The following UBXN11 variants were observed in gnomAD, a reference collection of about 807,000 sequenced individuals.
UBXN11 encodes the protein UBX domain-containing protein 11.
A neutral mutation model predicts 62.8 loss-of-function variants in UBXN11; 47 were observed. The ratio of observed to expected loss-of-function variants is 0.75; its 90% CI spans 0.59 to 0.95. The LOEUF is 0.95. Among genes scored for constraint, UBXN11 ranks in the 40% least tolerant of loss-of-function variants. The pLI is 0.00. For missense variants in UBXN11, 638 were observed against 661.7 expected (o/e 0.96, Z 0.39); for synonymous variants, 294 against 267.0 (o/e 1.10, Z -0.99).
intron 1 of UBXN11, chr1:26,318,003 G>A (rs761844210): frequency 9.9e-6 from 16 of 1,613,690 alleles, no homozygotes; most frequent in Admixed American, 6.7e-5. Flanking sequence ...AGACAGCCAC[G>A]AAGATCCTAC....
rs2073008790 is a variant in UBXN11 at position 26,282,356 on chromosome 1, ACTGGGG to A, written c.1500_1505del (p.Ser502_Pro503del). On this transcript the variant is annotated inframe_deletion, in exon 15 of 15. Transcript: ENST00000374222. ...GACTGGGGCCGGGACCGGGACCGGG[ACTGGGG>A]CCGGGACCGGGACCGGGACTGGGGC... 8.3e-6 allele frequency: 3 copies of A among 360,370 alleles called. No individual in the cohort carries two copies. The highest frequency in any genetic ancestry group is 8.5e-6 in the Non-Finnish European group (2 of 234,080). The allele number at this position is 360,370 out of a possible 1,614,324, so 22.3% of individuals were successfully genotyped here.
At position 26,298,081 on chromosome 1, in the gene UBXN11, C is replaced by A; in HGVS notation, c.200-19G>T. ...GCAGGGACTGCCAAGCACACAAAGT[C>A]TTTAGAGCCCAGACCTAGAGCCGAG... is the stretch of plus-strand genomic sequence containing the variant. On this transcript the variant is annotated intron_variant, in intron 4 of 14. Coordinates refer to ENST00000374222, the MANE Select transcript of UBXN11 (RefSeq NM_001389556.1). The A allele has an allele frequency of 6.2e-7, 1 of 1,609,082 alleles. No homozygotes were observed.
At chr1:26,292,726 C>T (rs2073299985) in intron 8 of UBXN11, among the ~76,000 whole-genome samples, 1 of 151,490 alleles carries the variant, frequency 6.6e-6, no homozygotes, top group South Asian at 2.1e-4. Context: ...TGGTGGTGGG[C>T]GCCTGTAATC....
chr1:26,309,806 G>A (rs1377940114), upstream of UBXN11, among the ~76,000 whole-genome samples: 2 of 151,930 alleles, frequency 1.3e-5, no homozygotes, highest in Non-Finnish European at 2.9e-5. Context: ...CTACCTCCTA[G>A]GATTATTGTA....
upstream of UBXN11, among the ~76,000 whole-genome samples, chr1:26,307,618 C>G (rs943512110): frequency 1.7e-5 from 2 of 116,726 alleles, no homozygotes; most frequent in African/African-American, 3.3e-5. Context: ...GAGTGTTTTT[C>G]TGTTGCTTTT....
At chr1:26,289,199 C>T (rs1210106760) in intron 8 of UBXN11, among the ~76,000 whole-genome samples, 5 of 152,202 alleles carry the variant, frequency 3.3e-5, no homozygotes, top group Non-Finnish European at 7.3e-5. Context: ...CCTCAGCTTC[C>T]TCTTCTGTAC....
Position 26,285,983 on chromosome 1 carries a change from T to C in UBXN11, c.614A>G (p.Gln205Arg). The change falls in exon 9 of 15, where the codon CAG becomes CGG. Residue 205 changes from glutamine to arginine, a missense_variant. Coordinates refer to ENST00000374222, the MANE Select transcript of UBXN11 (RefSeq NM_001389556.1). ...VDFDRLLASL[Q>R]DLSELVVEGD... ...CTCTACCACCAGCTCACTAAGATCC[T>C]GCAGGCTGGCCAGCAGCCTGTCAAA... The C allele has an allele frequency of 6.2e-7, 1 of 1,612,726 alleles. No homozygotes were observed. The highest frequency in any genetic ancestry group is 8.5e-7 in the Non-Finnish European group (1 of 1,179,132).
Position 26,302,800 on chromosome 1 carries a change from G to A in UBXN11, c.71+13C>T. The A allele has an allele frequency of 1.2e-6, 2 of 1,612,576 alleles. No homozygotes were observed. The highest frequency in any genetic ancestry group is 8.5e-7 in the Non-Finnish European group (1 of 1,179,128). On this transcript the variant is annotated intron_variant, in intron 2 of 14. Transcript: ENST00000374222. ...AGGCGGGGACAGAAAGACCCCTGAG[G>A]CTGGCTCCTTACCCAGGATTCATAG...
rs200760163 is a variant in UBXN11, at chr1:26,302,852, G to A, written c.32C>T (p.Thr11Ile). ...CTCCGAGGGCAGGGGCACTTTTCGG[G>A]TCTTGCTAAGGGAGGCCAAAGGTGA... MSSPLASLSK[T>I]RKVPLPSEPM... is the part of the protein sequence containing the mutation. Residue 11 changes from threonine (T) to isoleucine (I), a missense_variant, in exon 2 of 15, where the codon ACC (threonine) becomes ATC (isoleucine). Thr to Ile is a moderately conservative substitution (Grantham distance 89). Coordinates refer to ENST00000374222, the MANE Select transcript of UBXN11 (RefSeq NM_001389556.1). 9 of 1,613,854 alleles carry A rather than the reference G, an allele frequency of 5.6e-6. No individual in the cohort carries two copies. The highest frequency in any genetic ancestry group is 1.3e-5 in the African/African-American group (1 of 74,898).
At position 26,304,970 on chromosome 1, in the gene UBXN11, T is replaced by C. The variant is rs144167882; in HGVS notation, c.-36+1622A>G. ...CCCTTCCCTTGGCCAGCTAACTCTT[T>C]TTTTTCCCCTTCAGTTTGTTTTTCA... On this transcript the variant is annotated intron_variant, in intron 1 of 14. Coordinates refer to ENST00000374222, the MANE Select transcript of UBXN11 (RefSeq NM_001389556.1). 1.1e-3 allele frequency among the ~76,000 whole-genome samples: 166 copies of C among 152,044 alleles called. 1 individual carries two copies. Among genetic ancestry groups the C allele is most frequent in the African/African-American group, 3.9e-3 (161 of 41,472 alleles).
At chr1:26,298,516 A>G (rs1557687360) in intron 4 of UBXN11, among the ~76,000 whole-genome samples, 2 of 152,176 alleles carry the variant, frequency 1.3e-5, no homozygotes, top group Non-Finnish European at 2.9e-5. Context: ...AGGGCCGGGC[A>G]TGCGGTGGCT....
chr1:26,302,340 C>T (rs1014301910), intron 2 of UBXN11, among the ~76,000 whole-genome samples: 3 of 116,054 alleles, frequency 2.6e-5, no homozygotes, highest in African/African-American at 3.3e-5. Flanking sequence ...ACAGCCTGGG[C>T]GACAGAGCGA....
At position 26,294,260 on chromosome 1, in the gene UBXN11, T is replaced by G; in HGVS notation, c.504A>C (p.Thr168=). 6.2e-7 allele frequency: 1 copy of G among 1,614,240 alleles called. No homozygotes were observed. Among genetic ancestry groups the G allele is most frequent in the Non-Finnish European group, 8.5e-7 (1 of 1,180,010 alleles). The change falls in exon 8 of 15, where the codon ACA becomes ACC. Residue 168 remains threonine (T), a synonymous_variant. Transcript: ENST00000374222. ...PMDQEDSESK[T]VSEHGERDWM... Reference sequence around the variant, plus strand: ...AGTCCCTCTCGCCATGCTCTGAGACTGTCTTGCTCTCTGAGTCCTCCTGGT... The same window carrying G: ...AGTCCCTCTCGCCATGCTCTGAGACGGTCTTGCTCTCTGAGTCCTCCTGGT...
chr1:26,301,616 A>G, intron 3 of UBXN11, 78 bp downstream of exon 3: 2 of 1,583,086 alleles, frequency 1.3e-6, no homozygotes, highest in Non-Finnish European at 1.7e-6. Context: ...TTCTCGTGTG[A>G]TTTCTCTCCA....
At chr1:26,289,615 C>T (rs189954947) in intron 8 of UBXN11, among the ~76,000 whole-genome samples, 17 of 152,278 alleles carry the variant, frequency 1.1e-4, no homozygotes, top group African/African-American at 3.6e-4. Flanking sequence ...CCCATCATGG[C>T]GATGCCCACG....
Position 26,285,569 on chromosome 1 carries a change from G to C in UBXN11, c.775-28C>G, listed in dbSNP as rs200930950. ...GCAAGGGAAGAGGAAAAGTGAGGGGGTGGCCTGGGCCTTGGGCCCACCCTG... is the reference window on the plus strand; with the variant it reads ...GCAAGGGAAGAGGAAAAGTGAGGGGCTGGCCTGGGCCTTGGGCCCACCCTG... On this transcript the variant is annotated intron_variant, in intron 9 of 14. Coordinates refer to ENST00000374222, the MANE Select transcript of UBXN11 (RefSeq NM_001389556.1). 5.0e-5 allele frequency: 77 copies of C among 1,539,508 alleles called. No homozygotes were observed. In the Admixed American group the frequency reaches 1.1e-3, roughly 22 times the overall value.
chr1:26,301,034 G>C lies in UBXN11; in HGVS notation c.101-10C>G, dbSNP rs781452251. On this transcript the variant is annotated splice_polypyrimidine_tract_variant and intron_variant, in intron 3 of 14. Transcript: ENST00000374222. ...ATGTCCACCTCATCTTCTGCAGACA[G>C]GGATGCCTAGGTCACCGCTCTGGGG... 9 of 1,614,226 alleles carry C rather than the reference G, an allele frequency of 5.6e-6. No individual in the cohort carries two copies. The highest frequency in any genetic ancestry group is 6.8e-6 in the Non-Finnish European group (8 of 1,180,036).
At chr1:26,300,878 G>T (rs567398184) in intron 4 of UBXN11, 48 bp downstream of exon 4, 1 of 1,613,542 alleles carries the variant, frequency 6.2e-7, no homozygotes, top group Admixed American at 1.7e-5. Context: ...CGTCTCTGGG[G>T]CCCCCTCCTG....
intron 3 of UBXN11, 21 bp from the exon 4 acceptor site, chr1:26,301,045 G>A (rs2073521469): frequency 6.2e-7 from 1 of 1,614,080 alleles, no homozygotes; most frequent in South Asian, 1.1e-5. Context: ...GGATGCCTAG[G>A]TCACCGCTCT....
Sources: gnomAD v4.1 joint callset for allele counts (sites outside exome capture counted in the v4.1 genomes callset) on GRCh38, gnomAD v4.1.1 for gene constraint, MANE v1.5 for transcripts, NCBI Gene and HGNC (gene_info 2026-07-23, HGNC 2026-07-21) for gene names.